NRG3: variants seen among roughly 807,000 people sequenced by gnomAD.
The protein encoded by NRG3 is pro-neuregulin-3, membrane-bound isoform.
Under a neutral mutation model 66.9 loss-of-function variants are expected in NRG3, and 31 were observed. That is an observed-to-expected ratio of 0.46 (90% CI 0.35 to 0.63). NRG3 has a LOEUF of 0.63. Ranked by LOEUF, NRG3 falls within the 20% of genes least tolerant of loss-of-function variation. The pLI is 0.00. For missense variants in NRG3, 910 were observed against 878.9 expected, an observed-to-expected ratio of 1.04 and a Z score of -0.45; for synonymous variants, 393 against 359.4, an observed-to-expected ratio of 1.09 and a Z score of -1.06.
chr10:81,891,449 A>G (rs955374099), intron 1 of NRG3, among the ~76,000 whole-genome samples: 4 of 152,088 alleles, frequency 2.6e-5, no homozygotes, highest in East Asian at 1.9e-4. Flanking sequence ...CCTCATCTCC[A>G]TATGCCTAGT....
intron 6 of NRG3, among the ~76,000 whole-genome samples, chr10:82,969,058 A>T (rs1449591240): frequency 6.6e-6 from 1 of 152,164 alleles, no homozygotes; most frequent in East Asian, 1.9e-4. Context: ...ATCTCCCACC[A>T]GGTCCCTCCC....
At chr10:82,386,453 C>T (rs183206517) in intron 2 of NRG3, among the ~76,000 whole-genome samples, 3 of 152,120 alleles carry the variant, frequency 2.0e-5, no homozygotes, top group Non-Finnish European at 4.4e-5. Flanking sequence ...AATATTCAGC[C>T]TAGGTCTCAT....
Position 82,774,864 on chromosome 10 carries a change from G to A in NRG3, c.1027+36214G>A, listed in dbSNP as rs115027869. ...TTTTGAGATGGAGTCTTACTCTGTC[G>A]TCCAGGCTGTTAATGTGGCATGATC... On this transcript the variant is annotated intron_variant, in intron 3 of 8. Coordinates refer to ENST00000372141, the MANE Select transcript of NRG3 (RefSeq NM_001010848.4). Among the ~76,000 whole-genome samples the A allele has an allele frequency of 3.6e-3, 395 of 109,362 alleles. 5 individuals carry two copies. The highest frequency in any genetic ancestry group is 0.013 in the African/African-American group (344 of 26,000). 71.7% of individuals were successfully genotyped at this position (109,362 alleles called of 152,430 possible).
At chr10:82,656,427 T>C (rs933700754) in intron 2 of NRG3, among the ~76,000 whole-genome samples, 2 of 151,586 alleles carry the variant, frequency 1.3e-5, no homozygotes, top group African/African-American at 4.8e-5. Context: ...ACCAATTACA[T>C]AGGTGTCCAC....
intron 3 of NRG3, among the ~76,000 whole-genome samples, chr10:82,855,017 G>A (rs1453310291): frequency 6.6e-6 from 1 of 152,168 alleles, no homozygotes; most frequent in Non-Finnish European, 1.5e-5. Flanking sequence ...GTCTTAGACA[G>A]ATGGGCAGGA....
chr10:82,805,401 T>C (rs1022394694), intron 3 of NRG3, among the ~76,000 whole-genome samples: 59 of 152,222 alleles, frequency 3.9e-4, no homozygotes, highest in Admixed American at 3.7e-3. Flanking sequence ...CCTCAAATAA[T>C]TCCCTTTAAT....
intron 1 of NRG3, among the ~76,000 whole-genome samples, chr10:82,039,932 T>C (rs2062955801): frequency 6.6e-6 from 1 of 152,124 alleles, no homozygotes; most frequent in African/African-American, 2.4e-5. Flanking sequence ...CTGCCATGAA[T>C]TGTGTCAAGT....
At chr10:82,621,079 C>T (rs1392563968) in intron 2 of NRG3, among the ~76,000 whole-genome samples, 1 of 152,096 alleles carries the variant, frequency 6.6e-6, no homozygotes, top group Admixed American at 6.6e-5. Context: ...TCACTATGAA[C>T]AAGTCTCCCA....
chr10:82,371,690 A>G (rs2084906219), intron 2 of NRG3, among the ~76,000 whole-genome samples: 1 of 152,162 alleles, frequency 6.6e-6, no homozygotes, highest in Non-Finnish European at 1.5e-5. Context: ...CATGATTCTG[A>G]TAGTTGGGAG....
At chr10:82,480,100 G>T (rs917711908) in intron 2 of NRG3, among the ~76,000 whole-genome samples, 9 of 152,200 alleles carry the variant, frequency 5.9e-5, no homozygotes, top group African/African-American at 2.2e-4. Context: ...AGCCAAACTC[G>T]AAAGATTGCG....
intron 1 of NRG3, among the ~76,000 whole-genome samples, chr10:82,240,058 T>TG (rs1312398070): frequency 6.6e-6 from 1 of 152,130 alleles, no homozygotes; most frequent in African/African-American, 2.4e-5. Context: ...TTTTCCTATT[T>TG]GTGTGAGTCT....
intron 1 of NRG3, among the ~76,000 whole-genome samples, chr10:82,277,245 C>T (rs1301268135): frequency 2.0e-5 from 3 of 151,992 alleles, no homozygotes; most frequent in African/African-American, 4.8e-5. Context: ...AATCTTTAAT[C>T]TTAAATAATC....
intron 2 of NRG3, among the ~76,000 whole-genome samples, chr10:82,712,863 T>C (rs965326021): frequency 6.6e-6 from 1 of 151,670 alleles, no homozygotes; most frequent in South Asian, 2.1e-4. Context: ...TATAAAAGAG[T>C]AATCCCAGCA....
chr10:82,414,304 A>G (rs1407705961), intron 2 of NRG3, among the ~76,000 whole-genome samples: 2 of 152,174 alleles, frequency 1.3e-5, no homozygotes, highest in Non-Finnish European at 2.9e-5. Context: ...GAGAAAGGGA[A>G]TGGCTGGTTG....
chr10:82,730,576 C>A (rs1461832277), intron 2 of NRG3, among the ~76,000 whole-genome samples: 5 of 152,108 alleles, frequency 3.3e-5, no homozygotes, highest in Non-Finnish European at 7.3e-5. Flanking sequence ...ATTTTAGATT[C>A]TTTCAATTAT....
intron 1 of NRG3, among the ~76,000 whole-genome samples, chr10:82,269,896 G>A (rs563559981): frequency 1.3e-5 from 2 of 152,194 alleles, no homozygotes; most frequent in Non-Finnish European, 2.9e-5. Flanking sequence ...GAGCCAGATT[G>A]AGTTAGGCTT....
At chr10:82,691,216 C>G (rs950415647) in intron 2 of NRG3, among the ~76,000 whole-genome samples, 2 of 152,140 alleles carry the variant, frequency 1.3e-5, no homozygotes, top group African/African-American at 4.8e-5. Context: ...GTCCCTACCC[C>G]ACTCTCTCAT....
chr10:81,952,247 TA>T (rs1849434922), intron 1 of NRG3, among the ~76,000 whole-genome samples: 3 of 152,232 alleles, frequency 2.0e-5, no homozygotes, highest in African/African-American at 7.2e-5. Context: ...ATAATAATAA[TA>T]AAGAGTCATG....
intron 2 of NRG3, among the ~76,000 whole-genome samples, chr10:82,614,850 C>T (rs1476545920): frequency 6.6e-6 from 1 of 151,652 alleles, no homozygotes; most frequent in Non-Finnish European, 1.5e-5. Context: ...ACTCCAGTCC[C>T]AACAGTTTCT....
Sources: gnomAD v4.1 joint callset for allele counts (sites outside exome capture counted in the v4.1 genomes callset) on GRCh38, gnomAD v4.1.1 for gene constraint, MANE v1.5 for transcripts, NCBI Gene and HGNC (gene_info 2026-07-23, HGNC 2026-07-21) for gene names.